KCNT2: variants seen among roughly 807,000 people sequenced by gnomAD.
The protein encoded by KCNT2 is potassium channel subfamily T member 2.
A neutral mutation model predicts 153.8 loss-of-function variants in KCNT2; 67 were observed. The observed-to-expected ratio is 0.44, with a 90% CI of 0.36 to 0.53. KCNT2 has a LOEUF of 0.53. Among genes scored for constraint, KCNT2 ranks in the 20% least tolerant of loss-of-function variants. The pLI is 0.00. For synonymous variants in KCNT2, 500 were observed against 458.8 expected, an observed-to-expected ratio of 1.09 and a Z score of -1.15; for missense variants, 975 against 1,354.8, an observed-to-expected ratio of 0.72 and a Z score of 4.40.
chr1:196,257,703 G>A (rs1656637152), intron 26 of KCNT2: 1 of 982,644 alleles, frequency 1.0e-6, no homozygotes, highest in Non-Finnish European at 1.2e-6. Flanking sequence ...ATGAGATAAA[G>A]CAGTATTTGA....
At chr1:196,246,261 T>C (rs1283097388) in intron 26 of KCNT2, among the ~76,000 whole-genome samples, 1 of 152,174 alleles carries the variant, frequency 6.6e-6, no homozygotes, top group Non-Finnish European at 1.5e-5. Context: ...TTTATCCTTG[T>C]GTTTTCAACC....
At chr1:196,319,649 C>G in intron 19 of KCNT2, 94 bp from the exon 20 acceptor site, 2 of 665,368 alleles carry the variant, frequency 3.0e-6, no homozygotes, top group Non-Finnish European at 5.2e-6. Context: ...TTTGCATTTC[C>G]AAAACTCAAC....
intron 1 of KCNT2, among the ~76,000 whole-genome samples, chr1:196,574,526 C>G (rs1449197413): frequency 1.3e-5 from 2 of 151,924 alleles, no homozygotes; most frequent in African/African-American, 4.8e-5. Flanking sequence ...TTACTTTTTA[C>G]ACTTTACAAC....
intron 1 of KCNT2, among the ~76,000 whole-genome samples, chr1:196,573,695 G>A (rs1253143070): frequency 6.6e-6 from 1 of 151,892 alleles, no homozygotes; most frequent in East Asian, 1.9e-4. Flanking sequence ...GAAAGAGGAG[G>A]GAAGGAAGGG....
intron 13 of KCNT2, among the ~76,000 whole-genome samples, chr1:196,388,928 T>C (rs561659905): frequency 6.6e-6 from 1 of 151,788 alleles, no homozygotes; most frequent in Non-Finnish European, 1.5e-5. Flanking sequence ...TGAATAGAAG[T>C]AGAGCACACA....
At chr1:196,399,836 G>A (rs371604062) in intron 12 of KCNT2, among the ~76,000 whole-genome samples, 6 of 151,684 alleles carry the variant, frequency 4.0e-5, no homozygotes, top group Admixed American at 6.6e-5. Flanking sequence ...GAGCTCCCTC[G>A]CTTCTTCAGC....
At chr1:196,590,000 T>C (rs939883433) in intron 1 of KCNT2, among the ~76,000 whole-genome samples, 4 of 152,150 alleles carry the variant, frequency 2.6e-5, no homozygotes, top group African/African-American at 9.7e-5. Flanking sequence ...TAGAGTACAA[T>C]ATACATTATA....
intron 13 of KCNT2, among the ~76,000 whole-genome samples, chr1:196,382,111 A>ATTTATTTATTTATTTATTTT (rs1241635268): frequency 6.6e-6 from 1 of 151,302 alleles, no homozygotes; most frequent in Non-Finnish European, 1.5e-5. Context: ...TTATTTATTT[A>ATTTATTTATTTATTTATTTT]TTTTTGAGAT....
rs1663926244 is a variant in KCNT2 at position 196,327,005 on chromosome 1, T to C, written c.2104-116A>G. 4.9e-6 allele frequency: 3 copies of C among 615,554 alleles called. No homozygotes were observed. In the Admixed American group the frequency reaches 9.5e-5, roughly 19 times the overall value. 38.1% of individuals were successfully genotyped at this position (615,554 alleles called of 1,614,324 possible). On this transcript the variant is annotated intron_variant, in intron 18 of 27. Transcript: ENST00000294725. ...TTGAACAATGTAAATCCTTATTTTC[T>C]AATAAATTTGAAAATAGTTACATTT...
At chr1:196,433,459 G>T (rs1441093480) in intron 8 of KCNT2, among the ~76,000 whole-genome samples, 1 of 152,070 alleles carries the variant, frequency 6.6e-6, no homozygotes, top group East Asian at 1.9e-4. Flanking sequence ...TGGGACTGAT[G>T]ATGGGAATGT....
At chr1:196,429,479 G>T in intron 9 of KCNT2, 98 bp downstream of exon 9, 1 of 669,030 alleles carries the variant, frequency 1.5e-6, no homozygotes, top group East Asian at 2.8e-5. Context: ...GTAAATTAGT[G>T]TTAGATAAAT....
intron 13 of KCNT2, among the ~76,000 whole-genome samples, chr1:196,378,512 T>C (rs1465012840): frequency 1.3e-5 from 2 of 151,870 alleles, no homozygotes; most frequent in African/African-American, 2.4e-5. Context: ...CAAGTTTTAG[T>C]GGCGCTATAT....
At chr1:196,334,370 A>T (rs1664783657) in intron 16 of KCNT2, among the ~76,000 whole-genome samples, 1 of 150,890 alleles carries the variant, frequency 6.6e-6, no homozygotes, top group South Asian at 2.1e-4. Flanking sequence ...GTATACCCTG[A>T]TGTTTCAATT....
intron 13 of KCNT2, among the ~76,000 whole-genome samples, chr1:196,393,086 G>A (rs563749075): frequency 7.9e-5 from 12 of 151,418 alleles, no homozygotes; most frequent in East Asian, 3.9e-4. Flanking sequence ...ATAAAATACC[G>A]TAACCAAAGC....
intron 25 of KCNT2, among the ~76,000 whole-genome samples, chr1:196,261,585 G>C (rs1177516338): frequency 6.6e-6 from 1 of 151,856 alleles, no homozygotes; most frequent in Non-Finnish European, 1.5e-5. Flanking sequence ...AAAAGAGAGG[G>C]AATCATTCAT....
At chr1:196,399,290 CA>C (rs1274186695) in intron 12 of KCNT2, among the ~76,000 whole-genome samples, 1 of 151,550 alleles carries the variant, frequency 6.6e-6, no homozygotes, top group East Asian at 2.0e-4. Context: ...TTGAAAAAAT[CA>C]AGGAAGATTA....
At chr1:196,506,889 T>C (rs931760566) in intron 1 of KCNT2, among the ~76,000 whole-genome samples, 22 of 152,178 alleles carry the variant, frequency 1.4e-4, no homozygotes, top group African/African-American at 5.3e-4. Context: ...ATGAGGCCTA[T>C]GTCATCATTT....
intron 26 of KCNT2, among the ~76,000 whole-genome samples, chr1:196,249,386 T>C (rs1655749411): frequency 6.6e-6 from 1 of 152,194 alleles, no homozygotes; most frequent in Non-Finnish European, 1.5e-5. Context: ...GCAGATGATA[T>C]GCTCTTCTAT....
Position 196,333,837 on chromosome 1 carries a change from C to G in KCNT2, c.1997+10G>C. The G allele has an allele frequency of 1.3e-6, 2 of 1,528,352 alleles. No homozygotes were observed. Among genetic ancestry groups the G allele is most frequent in the Non-Finnish European group, 1.8e-6 (2 of 1,104,132 alleles). The allele number at this position is 1,528,352 out of a possible 1,614,324, so 94.7% of individuals were successfully genotyped here. A position where few individuals can be genotyped will look rare whatever the true frequency, so the allele number is the denominator to read the frequency against. ...CCAGTAATCTTACACCTTAGAGTAT[C>G]TGAACATACTCTAAGTTTGAAGACA... is the stretch of plus-strand genomic sequence containing the variant. On this transcript the variant is annotated intron_variant, in intron 17 of 27. Coordinates refer to ENST00000294725, the MANE Select transcript of KCNT2 (RefSeq NM_198503.5).
Sources: gnomAD v4.1 joint callset for allele counts (sites outside exome capture counted in the v4.1 genomes callset) on GRCh38, gnomAD v4.1.1 for gene constraint, MANE v1.5 for transcripts, NCBI Gene and HGNC (gene_info 2026-07-23, HGNC 2026-07-21) for gene names.